Variants in WFDC1 observed in about 807,000 individuals in gnomAD.
WFDC1 encodes WAP four-disulfide core domain protein 1.
In WFDC1, 39 loss-of-function variants were observed where a neutral mutation model predicts 32.9. The observed-to-expected ratio is 1.19, with a 90% CI of 0.92 to 1.55. The LOEUF is 1.55. Among genes scored for constraint, WFDC1 ranks in the 40% most tolerant of loss-of-function variants. The pLI is 0.00. For missense variants in WFDC1, 386 were observed against 309.5 expected, an observed-to-expected ratio of 1.25 and a Z score of -1.85; for synonymous variants, 184 against 137.4, an observed-to-expected ratio of 1.34 and a Z score of -2.37.
At chr16:84,312,070 C>T (rs1057192058) in intron 1 of WFDC1, among the ~76,000 whole-genome samples, 5 of 152,248 alleles carry the variant, frequency 3.3e-5, no homozygotes, top group African/African-American at 9.6e-5. Context: ...GAGGCTGAGG[C>T]AGGAGAATCG....
intron 1 of WFDC1, among the ~76,000 whole-genome samples, chr16:84,303,625 T>C (rs1460672470): frequency 1.3e-5 from 2 of 152,246 alleles, no homozygotes. Flanking sequence ...ACACGTGTTT[T>C]CTCTTAGTGG....
chr16:84,298,490 G>A (rs945524811), intron 1 of WFDC1, among the ~76,000 whole-genome samples: 3 of 152,098 alleles, frequency 2.0e-5, no homozygotes, highest in Admixed American at 6.5e-5. Flanking sequence ...TTTTGCATCC[G>A]TGTGGTATGA....
At chr16:84,304,540 T>C (rs2151369340) in intron 1 of WFDC1, among the ~76,000 whole-genome samples, 1 of 152,310 alleles carries the variant, frequency 6.6e-6, no homozygotes, top group Non-Finnish European at 1.5e-5. Context: ...GAATCATTTT[T>C]ATCCAGGTAA....
intron 1 of WFDC1, among the ~76,000 whole-genome samples, chr16:84,309,849 G>T (rs987448707): frequency 1.2e-5 from 1 of 86,138 alleles, no homozygotes; most frequent in African/African-American, 5.1e-5. Context: ...GTGTACATGT[G>T]TGTGTGGGGG....
At chr16:84,298,488 C>T (rs564502930) in intron 1 of WFDC1, among the ~76,000 whole-genome samples, 1 of 152,124 alleles carries the variant, frequency 6.6e-6, no homozygotes, top group Non-Finnish European at 1.5e-5. Context: ...TCTTTTGCAT[C>T]CGTGTGGTAT....
intron 4 of WFDC1, among the ~76,000 whole-genome samples, chr16:84,321,612 G>C (rs1908308115): frequency 1.3e-5 from 2 of 152,276 alleles, no homozygotes; most frequent in Middle Eastern, 3.4e-3. Context: ...GTTCTTAAGG[G>C]TTCAAACCAG....
At chr16:84,298,202 G>A (rs535481756) in intron 1 of WFDC1, among the ~76,000 whole-genome samples, 3 of 151,776 alleles carry the variant, frequency 2.0e-5, no homozygotes, top group East Asian at 3.9e-4. Context: ...CCACCTCCCC[G>A]GCTCAAGTGA....
At chr16:84,312,564 A>G (rs1907693579) in intron 1 of WFDC1, among the ~76,000 whole-genome samples, 2 of 152,210 alleles carry the variant, frequency 1.3e-5, no homozygotes, top group South Asian at 2.1e-4. Flanking sequence ...GTACATATAC[A>G]TATGTACATA....
chr16:84,302,973 T>C (rs577772076), intron 1 of WFDC1, among the ~76,000 whole-genome samples: 6 of 152,032 alleles, frequency 3.9e-5, no homozygotes, highest in Admixed American at 1.3e-4. Context: ...ACAATGACAT[T>C]GTTGGGAAGA....
At chr16:84,313,317 G>C (rs1187547396) in intron 2 of WFDC1, among the ~76,000 whole-genome samples, 164 bp downstream of exon 2, 1 of 152,232 alleles carries the variant, frequency 6.6e-6, no homozygotes, top group African/African-American at 2.4e-5. Flanking sequence ...TCCTTGAGCA[G>C]GCGTGGCGCT....
At chr16:84,313,699 G>C (rs1597680616) in intron 2 of WFDC1, among the ~76,000 whole-genome samples, 1 of 152,214 alleles carries the variant, frequency 6.6e-6, no homozygotes, top group Non-Finnish European at 1.5e-5. Flanking sequence ...GGTATTTGAG[G>C]TGGAGACCAG....
intron 2 of WFDC1, chr16:84,316,482 A>C (rs1227121554): frequency 6.6e-6 from 1 of 152,236 alleles, no homozygotes; most frequent in African/African-American, 2.4e-5. Context: ...TTTTCTGCCC[A>C]GGCACGGTGG....
chr16:84,311,226 A>G (rs1479219604), intron 1 of WFDC1, among the ~76,000 whole-genome samples: 2 of 146,036 alleles, frequency 1.4e-5, no homozygotes, highest in African/African-American at 2.5e-5. Context: ...CCATATTCCT[A>G]TATGTTAAGT....
intron 5 of WFDC1, chr16:84,325,682 C>G (rs954212408): frequency 3.3e-5 from 5 of 152,110 alleles, no homozygotes; most frequent in Non-Finnish European, 7.4e-5. Context: ...ATCCATCCAT[C>G]CATTCCTCCA....
intron 4 of WFDC1, among the ~76,000 whole-genome samples, chr16:84,320,925 G>A (rs777612823): frequency 1.8e-4 from 27 of 152,198 alleles, no homozygotes; most frequent in East Asian, 3.9e-4. Flanking sequence ...AGGCATAGAC[G>A]TAAAATCAGT....
chr16:84,307,948 G>T (rs1403698329), intron 1 of WFDC1, among the ~76,000 whole-genome samples: 1 of 152,120 alleles, frequency 6.6e-6, no homozygotes, highest in Non-Finnish European at 1.5e-5. Context: ...GGTGATAAAA[G>T]GTCCACGCTC....
intron 3 of WFDC1, chr16:84,318,910 TTG>T (rs58546650): frequency 0.092 from 15,185 of 165,448 alleles, 766 homozygotes; most frequent in Middle Eastern, 0.13. Flanking sequence ...GGCTGAATAT[TTG>T]TGTGTGTGTG....
intron 2 of WFDC1, 128 bp from the exon 3 acceptor site, chr16:84,318,144 G>C (rs1269592207): frequency 3.7e-6 from 3 of 815,700 alleles, no homozygotes; most frequent in Non-Finnish European, 6.1e-6. Flanking sequence ...AGGTGTGCCA[G>C]GAACCATAGT....
chr16:84,311,840 C>T (rs1907647342), intron 1 of WFDC1, among the ~76,000 whole-genome samples: 1 of 151,692 alleles, frequency 6.6e-6, no homozygotes, highest in East Asian at 1.9e-4. Context: ...GCACCTGGCC[C>T]CTATATCTTA....
Sources: gnomAD v4.1 joint callset for allele counts (sites outside exome capture counted in the v4.1 genomes callset) on GRCh38, gnomAD v4.1.1 for gene constraint, MANE v1.5 for transcripts, NCBI Gene and HGNC (gene_info 2026-07-23, HGNC 2026-07-21) for gene names.